The following DLG2 variants were observed in gnomAD, a reference collection of about 807,000 sequenced individuals.
DLG2 encodes disks large homolog 2.
In DLG2, 45 loss-of-function variants were observed where a neutral mutation model predicts 132.5. The ratio of observed to expected loss-of-function variants is 0.34; its 90% CI spans 0.27 to 0.44. DLG2 has a LOEUF of 0.44. Among genes scored for constraint, DLG2 ranks in the 20% least tolerant of loss-of-function variants. DLG2 has a pLI of 1.00. For synonymous variants in DLG2, 424 were observed against 419.6 expected (o/e 1.01, Z -0.13); for missense variants, 1,045 against 1,196.9 (o/e 0.87, Z 1.87).
chr11:85,126,080 C>G (rs1230755153), intron 5 of DLG2, among the ~76,000 whole-genome samples: 1 of 151,970 alleles, frequency 6.6e-6, no homozygotes, highest in Non-Finnish European at 1.5e-5. Context: ...AAAAAAATAA[C>G]AAATGGAAGT....
rs1382938804 is a variant in DLG2 at position 83,455,256 on chromosome 11, T to C, written c.*4562A>G. The C allele has an allele frequency of 1.3e-5, 2 of 152,654 alleles. No homozygotes were observed. The highest frequency in any genetic ancestry group is 2.9e-5 in the Non-Finnish European group (2 of 68,042). The allele number at this position is 152,654 out of a possible 1,614,324, so 9.5% of individuals were successfully genotyped here. A position where few individuals can be genotyped will look rare whatever the true frequency, so the allele number is the denominator to read the frequency against. ...ATTTACACTTAACAGGAGTGTAAGCTGTGCAGTGTCTCTGTAAACTCCAGC... is the reference window on the plus strand; with the variant it reads ...ATTTACACTTAACAGGAGTGTAAGCCGTGCAGTGTCTCTGTAAACTCCAGC... On this transcript the variant is annotated 3_prime_UTR_variant, in exon 28 of 28. Transcript: ENST00000376104.
At chr11:84,169,305 C>G (rs1726504482) in intron 8 of DLG2, among the ~76,000 whole-genome samples, 1 of 150,502 alleles carries the variant, frequency 6.6e-6, no homozygotes, top group Non-Finnish European at 1.5e-5. Context: ...TGTTAACTGT[C>G]TGGCACAAAG....
intron 19 of DLG2, among the ~76,000 whole-genome samples, chr11:83,548,349 T>C (rs2096291034): frequency 1.3e-5 from 2 of 152,080 alleles, no homozygotes. Flanking sequence ...TCCTTAAAAC[T>C]AGAAGAGAAA....
At chr11:84,124,345 G>C (rs774310459) in intron 9 of DLG2, among the ~76,000 whole-genome samples, 1 of 152,212 alleles carries the variant, frequency 6.6e-6, no homozygotes, top group Non-Finnish European at 1.5e-5. Flanking sequence ...ATGGAAAAGA[G>C]CAGACTCCCC....
At chr11:85,336,710 T>TTAGAGCTGGGGCAGGCCCAGATGAGC (rs1565342437) in intron 3 of DLG2, 1 of 152,508 alleles carries the variant, frequency 6.6e-6, no homozygotes, top group Admixed American at 6.5e-5. Context: ...CAGGTGCAAG[T>TTAGAGCTGGGGCAGGCCCAGATGAGC]TAGAGCTGGG....
At chr11:84,138,996 A>G (rs797018002) in intron 9 of DLG2, among the ~76,000 whole-genome samples, 83 of 152,248 alleles carry the variant, frequency 5.5e-4, no homozygotes, top group African/African-American at 2.0e-3. Flanking sequence ...GGCCAATGGA[A>G]AAGGCTGGGT....
At chr11:84,655,002 G>A (rs186136113) in intron 6 of DLG2, among the ~76,000 whole-genome samples, 16 of 152,204 alleles carry the variant, frequency 1.1e-4, no homozygotes, top group East Asian at 1.9e-4. Context: ...AGACAAAAAC[G>A]TATCTAAATG....
intron 18 of DLG2, among the ~76,000 whole-genome samples, chr11:83,713,336 T>G (rs1013600172): frequency 5.3e-5 from 8 of 152,120 alleles, no homozygotes; most frequent in African/African-American, 1.9e-4. Context: ...AAGGAAAAAC[T>G]TGAACTGAGA....
At chr11:85,535,413 G>A (rs373008973) in intron 3 of DLG2, among the ~76,000 whole-genome samples, 15 of 152,070 alleles carry the variant, frequency 9.9e-5, no homozygotes, top group East Asian at 7.7e-4. Context: ...ATGTCAGTGC[G>A]TAGCAGTTTG....
intron 26 of DLG2, 100 bp from the exon 27 acceptor site, chr11:83,462,193 T>A: frequency 1.3e-6 from 1 of 792,640 alleles, no homozygotes; most frequent in Non-Finnish European, 2.1e-6. Context: ...AAACATAGTG[T>A]AATCTTAGCA....
intron 6 of DLG2, among the ~76,000 whole-genome samples, chr11:85,103,040 T>C (rs2071129741): frequency 6.6e-6 from 1 of 152,012 alleles, no homozygotes; most frequent in South Asian, 2.1e-4. Flanking sequence ...AAGAATAAAA[T>C]ATTTTGGAAT....
intron 6 of DLG2, among the ~76,000 whole-genome samples, chr11:84,566,423 T>C (rs980251819): frequency 6.6e-6 from 1 of 152,292 alleles, no homozygotes; most frequent in African/African-American, 2.4e-5. Flanking sequence ...TAAAAAAAGT[T>C]TGCATTTCCT....
intron 7 of DLG2, among the ~76,000 whole-genome samples, chr11:84,314,670 T>C (rs181006845): frequency 2.0e-5 from 3 of 152,076 alleles, no homozygotes; most frequent in Non-Finnish European, 4.4e-5. Flanking sequence ...ACAGAAAAAT[T>C]GAAATAATAT....
At chr11:83,940,057 A>T (rs2082306289) in intron 14 of DLG2, among the ~76,000 whole-genome samples, 4 of 152,226 alleles carry the variant, frequency 2.6e-5, no homozygotes, top group African/African-American at 7.2e-5. Context: ...GTTACTGTAA[A>T]CAGGTTATGA....
At position 83,632,814 on chromosome 11, in the gene DLG2, A is replaced by G. The variant is rs2063798739; in HGVS notation, c.1940+397T>C. The G allele has an allele frequency of 1.2e-5, 2 of 164,150 alleles. 1 individual carries two copies. Among genetic ancestry groups the G allele is most frequent in the South Asian group, 3.5e-4 (2 of 5,754 alleles). The allele number at this position is 164,150 out of a possible 1,614,324, so 10.2% of individuals were successfully genotyped here. On this transcript the variant is annotated intron_variant, in intron 19 of 27. Transcript: ENST00000376104. ...AAACTGATGCACTAAAGTTAATGCA[A>G]TCAGTATCAGGCAGGTTAGGAGATA...
chr11:84,295,712 T>C (rs537271275), intron 7 of DLG2, among the ~76,000 whole-genome samples: 1 of 152,302 alleles, frequency 6.6e-6, no homozygotes, highest in South Asian at 2.1e-4. Context: ...GTGCCTTTCA[T>C]TTCAACACAC....
At chr11:84,732,083 A>T (rs924993020) in intron 6 of DLG2, among the ~76,000 whole-genome samples, 1 of 151,986 alleles carries the variant, frequency 6.6e-6, no homozygotes, top group African/African-American at 2.4e-5. Flanking sequence ...ATCTATTCTG[A>T]GGTTTATCTA....
intron 6 of DLG2, among the ~76,000 whole-genome samples, chr11:84,571,333 TTTC>T (rs1344055132): frequency 6.6e-6 from 1 of 152,000 alleles, no homozygotes; most frequent in Middle Eastern, 3.2e-3. Context: ...TTCACTTCTC[TTTC>T]TTTTCTTTCT....
intron 15 of DLG2, among the ~76,000 whole-genome samples, chr11:83,911,603 G>T (rs1173270602): frequency 1.3e-5 from 2 of 152,008 alleles, no homozygotes; most frequent in Admixed American, 6.6e-5. Flanking sequence ...ATGTGTTACT[G>T]CTAGCTTCTG....
Sources: gnomAD v4.1 joint callset for allele counts (sites outside exome capture counted in the v4.1 genomes callset) on GRCh38, gnomAD v4.1.1 for gene constraint, MANE v1.5 for transcripts, NCBI Gene and HGNC (gene_info 2026-07-23, HGNC 2026-07-21) for gene names.